The following KTN1 variants were observed in gnomAD, a reference collection of about 807,000 sequenced individuals.
KTN1 encodes the protein kinectin.
Under a neutral mutation model 222.5 loss-of-function variants are expected in KTN1, and 130 were observed. The observed-to-expected ratio is 0.58, with a 90% confidence interval of 0.51 to 0.68. The LOEUF is 0.68. Among genes scored for constraint, KTN1 ranks in the 30% least tolerant of loss-of-function variants. The pLI, the probability that KTN1 is intolerant of heterozygous loss-of-function variation, is 0.00. For synonymous variants in KTN1, 512 were observed against 496.3 expected (o/e 1.03, Z -0.42); for missense variants, 1,508 against 1,500.4 (o/e 1.01, Z -0.08).
intron 1 of KTN1, among the ~76,000 whole-genome samples, chr14:55,609,746 C>G (rs1463396178): frequency 6.6e-6 from 1 of 152,076 alleles, no homozygotes; most frequent in Non-Finnish European, 1.5e-5. Flanking sequence ...GCTTCTATTA[C>G]TGCTGCTAAG....
chr14:55,590,010 CA>C lies in KTN1; in HGVS notation c.-31+9664del, dbSNP rs976265136. ...TGTAATAAGTAAAAACAAAACAAAA[CA>C]AAAAAAACCACACATACAAACCTAG... On this transcript the variant is annotated intron_variant, in intron 1 of 43. Transcript: ENST00000395314. 1.3e-5 allele frequency among the ~76,000 whole-genome samples: 2 copies of C among 151,588 alleles called. 1 individual carries two copies. The highest frequency in any genetic ancestry group is 4.2e-4 in the South Asian group (2 of 4,792).
At chr14:55,675,787 A>G in intron 40 of KTN1, 48 bp from the exon 41 acceptor site, 1 of 1,269,208 alleles carries the variant, frequency 7.9e-7, no homozygotes, top group Middle Eastern at 1.9e-4. Context: ...AGCATAATCA[A>G]AGAATGATGC....
chr14:55,665,201 G>C (rs531137721), intron 33 of KTN1, among the ~76,000 whole-genome samples: 5 of 151,936 alleles, frequency 3.3e-5, no homozygotes, highest in Non-Finnish European at 7.4e-5. Flanking sequence ...AGTTGCAATT[G>C]TACAGTCATT....
chr14:55,652,851 T>C lies in KTN1; in HGVS notation c.2605T>C (p.Leu869=), dbSNP rs1314153546. ...TSKVQELQNL[L]KGKEEQMNTM... is the part of the protein sequence containing the mutation. ...GAGTTCTGATTAATTTATTATCAGA[T>C]TAAAAGGAAAAGAGGAACAGATGAA... Residue 869 remains leucine (L), a splice_region_variant and synonymous_variant, in exon 26 of 44, where the codon TTA becomes CTA. Coordinates refer to ENST00000395314, the MANE Select transcript of KTN1 (RefSeq NM_001079521.2). 5.7e-6 allele frequency: 9 copies of C among 1,586,102 alleles called. No homozygotes were observed. The highest frequency in any genetic ancestry group is 7.7e-6 in the Non-Finnish European group (9 of 1,164,572).
chr14:55,605,226 AT>A (rs2036558555), intron 1 of KTN1, among the ~76,000 whole-genome samples: 1 of 152,196 alleles, frequency 6.6e-6, no homozygotes, highest in Non-Finnish European at 1.5e-5. Flanking sequence ...ACTGAAAGTC[AT>A]TTTAATTGGT....
chr14:55,613,947 G>A (rs780916146), intron 2 of KTN1, among the ~76,000 whole-genome samples: 18 of 152,196 alleles, frequency 1.2e-4, no homozygotes, highest in Non-Finnish European at 2.1e-4. Context: ...ATGCTGGGCT[G>A]AAAGGCTTTA....
At chr14:55,593,421 T>C (rs1017918228) in intron 1 of KTN1, among the ~76,000 whole-genome samples, 3 of 146,572 alleles carry the variant, frequency 2.0e-5, no homozygotes, top group African/African-American at 7.6e-5. Context: ...ATTTACTAAT[T>C]GATCAGAAAT....
In KTN1 at chr14:55,600,876, AT is replaced by A. The variant is rs545187187; in HGVS notation, c.-30-11132del. 2.1e-4 allele frequency among the ~76,000 whole-genome samples: 32 copies of A among 149,048 alleles called. No homozygotes were observed. The East Asian group carries it at 2.9e-3, about 14-fold the overall frequency. ...TTCAGTTTGTCTAATTATAAATTAG[AT>A]TTTTTTTTTTACCGAATAAACTTTT... On this transcript the variant is annotated intron_variant, in intron 1 of 43. Coordinates refer to ENST00000395314, the MANE Select transcript of KTN1 (RefSeq NM_001079521.2).
In KTN1 at chr14:55,630,060, A is replaced by G. The variant is rs564744260; in HGVS notation, c.1184A>G (p.His395Arg). The change falls in exon 7 of 44, where the codon CAT (histidine) becomes CGT (arginine). Residue 395 changes from histidine (H) to arginine (R), a missense_variant. His to Arg is a conservative substitution (Grantham distance 29, BLOSUM62 0). Coordinates refer to ENST00000395314, the MANE Select transcript of KTN1 (RefSeq NM_001079521.2). The part of the protein sequence containing the change: ...KEHNVFQNKI[H>R]VSYQETQQMQ... ...CATAATGTATTTCAAAACAAAATACATGTCAGTTATCAAGAGACTCAACAG... is the reference window on the plus strand; with the variant it reads ...CATAATGTATTTCAAAACAAAATACGTGTCAGTTATCAAGAGACTCAACAG... The G allele has an allele frequency of 1.6e-5, 25 of 1,609,694 alleles. No homozygotes were observed. Among genetic ancestry groups the G allele is most frequent in the Non-Finnish European group, 2.0e-5 (24 of 1,176,354 alleles).
intron 33 of KTN1, 114 bp downstream of exon 33, chr14:55,664,155 T>C (rs549645259): frequency 1.1e-5 from 7 of 659,022 alleles, no homozygotes; most frequent in East Asian, 8.6e-5. Flanking sequence ...AATCTCCTTA[T>C]CCATATTTAT....
chr14:55,607,184 T>A (rs1426649205), intron 1 of KTN1, among the ~76,000 whole-genome samples: 3 of 152,210 alleles, frequency 2.0e-5, no homozygotes, highest in African/African-American at 7.2e-5. Flanking sequence ...GTTTGTAAAA[T>A]TTAACTCAGT....
chr14:55,581,458 TGA>T (rs1491430170), intron 1 of KTN1, among the ~76,000 whole-genome samples: 2 of 151,408 alleles, frequency 1.3e-5, no homozygotes, highest in African/African-American at 4.9e-5. Context: ...TGTGTGTGTG[TGA>T]GTGTGTGTGT....
At chr14:55,644,586 G>T (rs1487671925) in intron 18 of KTN1, 81 of 475,474 alleles carry the variant, frequency 1.7e-4, no homozygotes, top group Non-Finnish European at 2.5e-4. Context: ...TTTTGCTGTG[G>T]GGGAGCACAT....
At position 55,644,298 on chromosome 14, in the gene KTN1, A is replaced by G. The variant is rs78844489; in HGVS notation, c.2172+2538A>G. On this transcript the variant is annotated intron_variant, in intron 18 of 43. Coordinates refer to ENST00000395314, the MANE Select transcript of KTN1 (RefSeq NM_001079521.2). The stretch of plus-strand genomic sequence containing the variant: ...CCAAGTGACAGTTGAGAGATTGAAC[A>G]GTTTAGTTATGTAAAAATTTCAGTC... The G allele has an allele frequency of 3.6e-3, 2,359 of 648,962 alleles. 27 individuals are homozygous for G. Among genetic ancestry groups the G allele is most frequent in the South Asian group, 0.017 (1,003 of 58,426 alleles). 40.2% of individuals were successfully genotyped at this position (648,962 alleles called of 1,614,324 possible).
At chr14:55,631,562 C>A (rs892324477) in intron 7 of KTN1, among the ~76,000 whole-genome samples, 2 of 151,860 alleles carry the variant, frequency 1.3e-5, no homozygotes, top group East Asian at 1.9e-4. Context: ...GTGGGAGGAT[C>A]ACTTGAACCC....
At chr14:55,580,822 G>A (rs2031308303) in intron 1 of KTN1, among the ~76,000 whole-genome samples, 1 of 152,158 alleles carries the variant, frequency 6.6e-6, no homozygotes, top group Non-Finnish European at 1.5e-5. Flanking sequence ...CGGCGTCCCC[G>A]GGCCGGAGCT....
intron 5 of KTN1, among the ~76,000 whole-genome samples, chr14:55,625,731 A>G (rs972717669): frequency 1.3e-5 from 2 of 152,152 alleles, no homozygotes; most frequent in Admixed American, 6.5e-5. Context: ...CTCAAATAAT[A>G]GTTTGGTGGG....
At chr14:55,628,618 T>C (rs1286493726) in intron 6 of KTN1, among the ~76,000 whole-genome samples, 1 of 152,216 alleles carries the variant, frequency 6.6e-6, no homozygotes, top group African/African-American at 2.4e-5. Flanking sequence ...TGCAGTAGAA[T>C]ACATGATGTT....
intron 4 of KTN1, among the ~76,000 whole-genome samples, chr14:55,618,524 A>G (rs936085834): frequency 6.6e-6 from 1 of 152,122 alleles, no homozygotes; most frequent in African/African-American, 2.4e-5. Flanking sequence ...TAAGTACACA[A>G]CTACCTTTTA....
Sources: gnomAD v4.1 joint callset for allele counts (sites outside exome capture counted in the v4.1 genomes callset) on GRCh38, gnomAD v4.1.1 for gene constraint, MANE v1.5 for transcripts, NCBI Gene and HGNC (gene_info 2026-07-23, HGNC 2026-07-21) for gene names.